Variants in MED27 observed in about 807,000 individuals in gnomAD.
The protein encoded by MED27 is mediator of RNA polymerase II transcription subunit 27.
Under a neutral mutation model 38.2 loss-of-function variants are expected in MED27, and 30 were observed. The ratio of observed to expected loss-of-function variants is 0.79; its 90% CI spans 0.59 to 1.07. The LOEUF is 1.07. Ranked by LOEUF, MED27 falls within the 50% of genes least tolerant of loss-of-function variation. MED27 has a pLI of 0.00. For synonymous variants in MED27, 122 were observed against 153.5 expected, an observed-to-expected ratio of 0.79 and a Z score of 1.52; for missense variants, 289 against 397.5, an observed-to-expected ratio of 0.73 and a Z score of 2.32.
At chr9:132,004,875 C>A (rs543106564) in intron 3 of MED27, among the ~76,000 whole-genome samples, 2 of 152,194 alleles carry the variant, frequency 1.3e-5, no homozygotes, top group Non-Finnish European at 2.9e-5. Context: ...TTCATTCAAC[C>A]AACAGTGCAC....
At chr9:131,973,825 A>T (rs1831541689) in intron 3 of MED27, among the ~76,000 whole-genome samples, 1 of 151,618 alleles carries the variant, frequency 6.6e-6, no homozygotes, top group Non-Finnish European at 1.5e-5. Flanking sequence ...CTCCTGCCTC[A>T]GCCTCCCAAG....
intron 3 of MED27, among the ~76,000 whole-genome samples, chr9:131,957,556 G>A (rs1831130258): frequency 6.6e-6 from 1 of 152,306 alleles, no homozygotes; most frequent in South Asian, 2.1e-4. Context: ...TACAGACCAT[G>A]TGCCTGGTCC....
Position 131,860,768 on chromosome 9 carries a change from T to C in MED27, c.802-96A>G, listed in dbSNP as rs113201130. On this transcript the variant is annotated intron_variant, in intron 7 of 7. Coordinates refer to ENST00000292035, the MANE Select transcript of MED27 (RefSeq NM_004269.4). This position sits in a 1 kb window ranked among gnomAD's most constrained non-coding sequence, Gnocchi z 5.8. ...AGCCTAATGGCCCAGACAACTTAAG[T>C]TGGCTTTGGCCCCAGAAGATGCCCT... is the stretch of plus-strand genomic sequence containing the variant. 6.3e-6 allele frequency: 9 copies of C among 1,429,468 alleles called. 1 individual carries two copies. In the African/African-American group the frequency reaches 7.1e-5, roughly 11 times the overall value. The allele number at this position is 1,429,468 out of a possible 1,614,324, so 88.5% of individuals were successfully genotyped here.
At chr9:132,024,574 T>A (rs961385375) in intron 2 of MED27, among the ~76,000 whole-genome samples, 1 of 152,148 alleles carries the variant, frequency 6.6e-6, no homozygotes, top group African/African-American at 2.4e-5. Context: ...ATAAATGTAA[T>A]GAGAAAATAG....
At chr9:131,894,134 A>G (rs1829784101) in intron 4 of MED27, 142 bp from the exon 5 acceptor site, 1 of 613,986 alleles carries the variant, frequency 1.6e-6, no homozygotes, top group Non-Finnish European at 3.0e-6. Flanking sequence ...GCACTGGAAA[A>G]TGAACTCTCA....
chr9:132,070,448 T>C (rs572079382), intron 2 of MED27, among the ~76,000 whole-genome samples: 1 of 152,108 alleles, frequency 6.6e-6, no homozygotes, highest in Non-Finnish European at 1.5e-5. Flanking sequence ...TCCCTGCTAC[T>C]TGGGGGGCTG....
intron 3 of MED27, among the ~76,000 whole-genome samples, chr9:132,004,610 T>C (rs1832316234): frequency 6.6e-6 from 1 of 152,078 alleles, no homozygotes; most frequent in South Asian, 2.1e-4. Context: ...TCCAACCCTA[T>C]CCATCCTCAC....
chr9:131,893,842 G>C (rs768160235), intron 5 of MED27, 43 bp downstream of exon 5: 27 of 1,405,532 alleles, frequency 1.9e-5, no homozygotes, highest in Non-Finnish European at 2.5e-5. Context: ...CTTGTTCTGG[G>C]ATACAGAAAA....
At chr9:131,936,669 G>A (rs1830692302) in intron 4 of MED27, among the ~76,000 whole-genome samples, 1 of 152,224 alleles carries the variant, frequency 6.6e-6, no homozygotes, top group Admixed American at 6.5e-5. Flanking sequence ...TCTTGTTCCT[G>A]ACATGCCTGG....
At chr9:132,031,291 A>G (rs1465559655) in intron 2 of MED27, among the ~76,000 whole-genome samples, 2 of 152,238 alleles carry the variant, frequency 1.3e-5, no homozygotes, top group Non-Finnish European at 2.9e-5. Flanking sequence ...CACCAACAGA[A>G]ATAGCAATCA....
Position 131,862,343 on chromosome 9 carries a change from C to A in MED27, c.801+720G>T, listed in dbSNP as rs1390600997. 3.9e-5 allele frequency among the ~76,000 whole-genome samples: 6 copies of A among 151,994 alleles called. No homozygotes were observed. Among genetic ancestry groups the A allele is most frequent in the Non-Finnish European group, 8.8e-5 (6 of 68,020 alleles). On this transcript the variant is annotated intron_variant, in intron 7 of 7. Coordinates refer to ENST00000292035, the MANE Select transcript of MED27 (RefSeq NM_004269.4). This position sits in a 1 kb window ranked among gnomAD's most constrained non-coding sequence, Gnocchi z 4.6. ...TGGGGTCTGCTGGCGTGAGAGCATG[C>A]GGCCGTGTGAGCATGCTGGCGTGAG...
At chr9:132,049,486 G>C (rs1007435258) in intron 2 of MED27, among the ~76,000 whole-genome samples, 2 of 152,112 alleles carry the variant, frequency 1.3e-5, no homozygotes, top group Non-Finnish European at 1.5e-5. Flanking sequence ...GCGGTAAAGT[G>C]GTCATTCTAG....
intron 4 of MED27, among the ~76,000 whole-genome samples, chr9:131,914,584 T>C (rs1417148892): frequency 1.3e-5 from 2 of 152,226 alleles, no homozygotes; most frequent in East Asian, 1.9e-4. Context: ...GCTCTCATTC[T>C]AGTGGGTGGA....
chr9:131,882,299 G>A (rs1839062028), intron 6 of MED27, among the ~76,000 whole-genome samples: 1 of 152,136 alleles, frequency 6.6e-6, no homozygotes, highest in Non-Finnish European at 1.5e-5. Context: ...ACGCCCCTCT[G>A]ATCCACTAAG....
At chr9:132,049,704 ACAAAG>A (rs910513252) in intron 2 of MED27, among the ~76,000 whole-genome samples, 4 of 152,130 alleles carry the variant, frequency 2.6e-5, no homozygotes, top group African/African-American at 9.7e-5. Flanking sequence ...TGAGAACAAA[ACAAAG>A]CAATGTGAGC....
intron 4 of MED27, among the ~76,000 whole-genome samples, chr9:131,932,001 T>C (rs142168216): frequency 2.9e-4 from 44 of 152,132 alleles, no homozygotes; most frequent in African/African-American, 1.1e-3. Flanking sequence ...ATGGACATAA[T>C]AGATATTTAC....
At chr9:131,944,751 C>T (rs1280639591) in intron 3 of MED27, among the ~76,000 whole-genome samples, 15 of 151,962 alleles carry the variant, frequency 9.9e-5, no homozygotes, top group East Asian at 7.7e-4. Context: ...AGGCTGGTCT[C>T]GAACTCCTGA....
chr9:131,894,363 A>C (rs1829791663), intron 4 of MED27, among the ~76,000 whole-genome samples: 1 of 152,120 alleles, frequency 6.6e-6, no homozygotes, highest in Non-Finnish European at 1.5e-5. Flanking sequence ...GGATTTAGTG[A>C]GCACGTTGTT....
At chr9:131,956,364 A>G (rs1831099045) in intron 3 of MED27, among the ~76,000 whole-genome samples, 2 of 152,092 alleles carry the variant, frequency 1.3e-5, no homozygotes, top group African/African-American at 4.8e-5. Flanking sequence ...CAAAAATGTA[A>G]ATGCACTTCG....
Sources: gnomAD v4.1 joint callset for allele counts (sites outside exome capture counted in the v4.1 genomes callset) on GRCh38, gnomAD v4.1.1 for gene constraint, Gnocchi (gnomAD v3.1) non-coding constraint, MANE v1.5 for transcripts, NCBI Gene and HGNC (gene_info 2026-07-23, HGNC 2026-07-21) for gene names.